Variants in SPIN1 observed in about 807,000 individuals in gnomAD.
SPIN1 encodes the protein spindlin-1.
A neutral mutation model predicts 26.0 loss-of-function variants in SPIN1; 3 were observed. The observed-to-expected ratio is 0.12, with a 90% CI of 0.05 to 0.30. SPIN1 has a LOEUF of 0.30. Among genes scored for constraint, SPIN1 ranks in the 10% least tolerant of loss-of-function variants. SPIN1 has a pLI of 1.00. For missense variants in SPIN1, 126 were observed against 333.4 expected, an observed-to-expected ratio of 0.38 and a Z score of 4.84; for synonymous variants, 101 against 116.5, an observed-to-expected ratio of 0.87 and a Z score of 0.86.
At chr9:88,461,795 C>A (rs552497424) in intron 3 of SPIN1, among the ~76,000 whole-genome samples, 1 of 152,172 alleles carries the variant, frequency 6.6e-6, no homozygotes, top group Non-Finnish European at 1.5e-5. Flanking sequence ...TATAAACATT[C>A]TGTGTGGATT....
chr9:88,403,925 A>C (rs1213712585), intron 1 of SPIN1, among the ~76,000 whole-genome samples: 1 of 152,180 alleles, frequency 6.6e-6, no homozygotes, highest in Non-Finnish European at 1.5e-5. Context: ...TGTTCTGAGA[A>C]CTGCGTTGTT....
intron 2 of SPIN1, among the ~76,000 whole-genome samples, chr9:88,445,125 G>C (rs1308632456): frequency 6.6e-6 from 1 of 152,240 alleles, no homozygotes; most frequent in Admixed American, 6.5e-5. Flanking sequence ...CCAGTGTGGG[G>C]TTGTGTGTAA....
chr9:88,392,668 C>T (rs1353029898), intron 1 of SPIN1, among the ~76,000 whole-genome samples: 1 of 151,956 alleles, frequency 6.6e-6, no homozygotes, highest in African/African-American at 2.4e-5. Flanking sequence ...ATCTACCTAG[C>T]TACTATTTTC....
intron 1 of SPIN1, among the ~76,000 whole-genome samples, chr9:88,418,155 A>G (rs1331573167): frequency 6.6e-6 from 1 of 151,690 alleles, no homozygotes; most frequent in Non-Finnish European, 1.5e-5. Context: ...CCTCTCCTCT[A>G]CCCGCCTCCC....
chr9:88,397,568 A>T (rs10868772), intron 1 of SPIN1, among the ~76,000 whole-genome samples: 29,216 of 151,690 alleles, frequency 0.19, 3,794 homozygotes, highest in African/African-American at 0.37. Context: ...TTCATAAGAT[A>T]AAGAGATTGG....
At position 88,412,486 on chromosome 9, in the gene SPIN1, C is replaced by T. The variant is rs555407160; in HGVS notation, c.-158-13896C>T. 1.4e-3 allele frequency among the ~76,000 whole-genome samples: 220 copies of T among 152,086 alleles called. 1 individual carries two copies. Among genetic ancestry groups the T allele is most frequent in the Non-Finnish European group, 2.9e-3 (199 of 68,002 alleles). Reference sequence around the variant, plus strand: ...GAAACCCATCAAAGACCCAGAGAGACTGCTTGTTGTCCATAGGTTTGGGCA... The same window carrying T: ...GAAACCCATCAAAGACCCAGAGAGATTGCTTGTTGTCCATAGGTTTGGGCA... On this transcript the variant is annotated intron_variant, in intron 1 of 5. Transcript: ENST00000375859.
intron 1 of SPIN1, chr9:88,415,776 C>T (rs1188362494): frequency 6.6e-6 from 1 of 152,072 alleles, no homozygotes; most frequent in Non-Finnish European, 1.5e-5. Flanking sequence ...TGGAGTCTAG[C>T]TCTGTCGCTC....
intron 4 of SPIN1, among the ~76,000 whole-genome samples, chr9:88,463,492 A>G (rs1230922056): frequency 6.6e-6 from 1 of 152,230 alleles, no homozygotes; most frequent in Non-Finnish European, 1.5e-5. Flanking sequence ...ATTAAATAAT[A>G]AAGTTTCAGC....
chr9:88,444,651 T>G (rs1222757189), intron 2 of SPIN1, among the ~76,000 whole-genome samples: 1 of 152,046 alleles, frequency 6.6e-6, no homozygotes, highest in Non-Finnish European at 1.5e-5. Context: ...ACTTTCATTT[T>G]TCTCAATTCT....
chr9:88,411,432 C>T (rs954251440), intron 1 of SPIN1: 29 of 1,562,232 alleles, frequency 1.9e-5, no homozygotes, highest in Admixed American at 5.2e-5. Context: ...CTCAGCTGTT[C>T]GGGCTCTTTA....
At chr9:88,409,241 C>T (rs577192294) in intron 1 of SPIN1, among the ~76,000 whole-genome samples, 110 of 151,114 alleles carry the variant, frequency 7.3e-4, no homozygotes, top group Non-Finnish European at 1.4e-3. Flanking sequence ...GTGATCTGCC[C>T]GCCTCGGCCT....
intron 3 of SPIN1, among the ~76,000 whole-genome samples, chr9:88,457,106 C>CA (rs571151231): frequency 1.1e-4 from 16 of 152,234 alleles, no homozygotes; most frequent in South Asian, 1.0e-3. Context: ...GATGACATTT[C>CA]AAAAGCGGGT....
intron 1 of SPIN1, among the ~76,000 whole-genome samples, chr9:88,399,822 T>A (rs1467045442): frequency 6.6e-6 from 1 of 152,220 alleles, no homozygotes; most frequent in Admixed American, 6.5e-5. Flanking sequence ...AGCAGAATGA[T>A]CAGCTCAGGC....
chr9:88,457,810 A>C, intron 3 of SPIN1: 1 of 978,848 alleles, frequency 1.0e-6, no homozygotes, highest in African/African-American at 1.7e-5. Flanking sequence ...GAAAGACAGA[A>C]TATACATGAG....
At chr9:88,392,285 C>T (rs185084990) in intron 1 of SPIN1, among the ~76,000 whole-genome samples, 5 of 152,246 alleles carry the variant, frequency 3.3e-5, no homozygotes, top group African/African-American at 1.2e-4. Context: ...CTGTTCATGA[C>T]CTTAAAATTG....
At chr9:88,409,866 A>G (rs1827399836) in intron 1 of SPIN1, among the ~76,000 whole-genome samples, 1 of 151,778 alleles carries the variant, frequency 6.6e-6, no homozygotes. Flanking sequence ...ATTGAGCTAC[A>G]TGTCTTAGAG....
rs2118215604 is a variant in SPIN1, at chr9:88,468,331, A to C, written c.356-41A>C. On this transcript the variant is annotated intron_variant, in intron 4 of 5. Coordinates refer to ENST00000375859, the MANE Select transcript of SPIN1 (RefSeq NM_006717.3). Reference sequence around the variant, plus strand: ...CAGTCTTCATAGTCGGTAATCAGCGAAACACTTTGTCAACTTTTTTTTTTT... The same window carrying C: ...CAGTCTTCATAGTCGGTAATCAGCGCAACACTTTGTCAACTTTTTTTTTTT... 2.1e-6 allele frequency: 3 copies of C among 1,441,932 alleles called. No homozygotes were observed. The East Asian group carries it at 7.2e-5, about 35-fold the overall frequency. The allele number at this position is 1,441,932 out of a possible 1,614,324, so 89.3% of individuals were successfully genotyped here. A position where few individuals can be genotyped will look rare whatever the true frequency, so the allele number is the denominator to read the frequency against.
At chr9:88,411,596 C>G (rs1253724445) in intron 1 of SPIN1, 4 of 555,212 alleles carry the variant, frequency 7.2e-6, no homozygotes, top group East Asian at 2.9e-5. Flanking sequence ...TTACTATAGC[C>G]TTGGCCTCCT....
chr9:88,418,628 G>T (rs909290936), intron 1 of SPIN1: 5 of 152,188 alleles, frequency 3.3e-5, no homozygotes, highest in Non-Finnish European at 7.3e-5. Context: ...CAAATACTTT[G>T]ATATGACTCT....
Sources: gnomAD v4.1 joint callset for allele counts (sites outside exome capture counted in the v4.1 genomes callset) on GRCh38, gnomAD v4.1.1 for gene constraint, MANE v1.5 for transcripts, NCBI Gene and HGNC (gene_info 2026-07-23, HGNC 2026-07-21) for gene names.